Variants in TMEM132D observed in about 807,000 individuals in gnomAD.
TMEM132D encodes the protein transmembrane protein 132D, also known as mature OL transmembrane protein.
A neutral mutation model predicts 62.3 loss-of-function variants in TMEM132D; 21 were observed. The ratio of observed to expected loss-of-function variants is 0.34; its 90% CI spans 0.24 to 0.49. TMEM132D has a LOEUF of 0.49. Ranked by LOEUF, TMEM132D falls within the 20% of genes least tolerant of loss-of-function variation. The pLI, the probability that TMEM132D is intolerant of heterozygous loss-of-function variation, is 0.99. For missense variants in TMEM132D, 1,346 were observed against 1,402.8 expected (o/e 0.96, Z 0.65); for synonymous variants, 621 against 575.6 (o/e 1.08, Z -1.13).
rs560402459 is a variant in TMEM132D, at chr12:129,432,109, G to T, written c.1116-94292C>A. Among the ~76,000 whole-genome samples, 4 of 151,844 alleles carry T rather than the reference G, an allele frequency of 2.6e-5. No individual in the cohort carries two copies. In the South Asian group the frequency reaches 6.2e-4, roughly 24 times the overall value. On this transcript the variant is annotated intron_variant, in intron 3 of 8. Transcript: ENST00000422113. Reference sequence around the variant, plus strand: ...ATAATTATGTTGCATATGGATGAATGAATGGATGGATAGGTGGATGGATGG... The same window carrying T: ...ATAATTATGTTGCATATGGATGAATTAATGGATGGATAGGTGGATGGATGG...
rs965154348 is a variant in TMEM132D, at chr12:129,072,765, G to A, written c.*1110C>T. The A allele has an allele frequency of 3.3e-5, 5 of 152,268 alleles. No individual in the cohort carries two copies. The highest frequency in any genetic ancestry group is 1.2e-4 in the African/African-American group (5 of 41,424). 9.4% of individuals were successfully genotyped at this position (152,268 alleles called of 1,614,324 possible). A position where few individuals can be genotyped will look rare whatever the true frequency, so the allele number is the denominator to read the frequency against. ...GGCCACATCTTTGGACAGGAGATCT[G>A]CCATGAACAGTGAAAGACCCATCCC... is the stretch of plus-strand genomic sequence containing the variant. On this transcript the variant is annotated 3_prime_UTR_variant, in exon 9 of 9. Coordinates refer to ENST00000422113, the MANE Select transcript of TMEM132D (RefSeq NM_133448.3).
At chr12:129,781,904 A>C (rs1282156493) in intron 1 of TMEM132D, among the ~76,000 whole-genome samples, 1 of 152,194 alleles carries the variant, frequency 6.6e-6, no homozygotes, top group Non-Finnish European at 1.5e-5. Flanking sequence ...TCACATTTAC[A>C]CTGGAGACAG....
At chr12:129,795,757 T>G (rs1871545882) in intron 1 of TMEM132D, among the ~76,000 whole-genome samples, 1 of 152,228 alleles carries the variant, frequency 6.6e-6, no homozygotes, top group African/African-American at 2.4e-5. Context: ...ACTAACACGT[T>G]TCTTAATATG....
chr12:129,372,286 C>G (rs1243355342), intron 3 of TMEM132D, among the ~76,000 whole-genome samples: 1 of 152,182 alleles, frequency 6.6e-6, no homozygotes, highest in Non-Finnish European at 1.5e-5. Context: ...GCCAGGGGTC[C>G]CCAGTCTGTG....
chr12:129,849,092 T>C (rs1440881458), intron 1 of TMEM132D, among the ~76,000 whole-genome samples: 1 of 152,212 alleles, frequency 6.6e-6, no homozygotes, highest in African/African-American at 2.4e-5. Context: ...ACACATTCTA[T>C]GTGGTCACGG....
intron 4 of TMEM132D, among the ~76,000 whole-genome samples, chr12:129,244,294 G>A (rs925613260): frequency 4.6e-5 from 7 of 150,762 alleles, no homozygotes; most frequent in Non-Finnish European, 8.9e-5. Context: ...GCTGAGGCAG[G>A]AGAATGGCGT....
At chr12:129,084,021 G>C (rs1377347544) in intron 6 of TMEM132D, among the ~76,000 whole-genome samples, 2 of 152,202 alleles carry the variant, frequency 1.3e-5, no homozygotes, top group Non-Finnish European at 2.9e-5. Context: ...GACCCTGTCA[G>C]ATGTCCTTCC....
At chr12:129,559,086 A>C (rs1465158241) in intron 2 of TMEM132D, among the ~76,000 whole-genome samples, 4 of 152,186 alleles carry the variant, frequency 2.6e-5, no homozygotes, top group Admixed American at 2.6e-4. Flanking sequence ...AGAGTAATCC[A>C]CTTTCTCAAA....
rs530914251 is a variant in TMEM132D, at chr12:129,260,258, G to A, written c.1300-50595C>T. On this transcript the variant is annotated intron_variant, in intron 4 of 8. Coordinates refer to ENST00000422113, the MANE Select transcript of TMEM132D (RefSeq NM_133448.3). ...AGAACATAGTATGTCTGACAGATGAGGGAGGAACCACTGGATAATATGCCC... is the reference window on the plus strand; with the variant it reads ...AGAACATAGTATGTCTGACAGATGAAGGAGGAACCACTGGATAATATGCCC... 7.9e-5 allele frequency among the ~76,000 whole-genome samples: 12 copies of A among 152,242 alleles called. No homozygotes were observed. The South Asian group carries it at 2.5e-3, about 32-fold the overall frequency.
intron 3 of TMEM132D, among the ~76,000 whole-genome samples, chr12:129,445,611 C>A (rs1216000334): frequency 6.6e-6 from 1 of 152,042 alleles, no homozygotes; most frequent in Non-Finnish European, 1.5e-5. Context: ...ATCCCATGAA[C>A]CCCTGGATCC....
chr12:129,310,556 G>A (rs994040778), intron 4 of TMEM132D, among the ~76,000 whole-genome samples: 1 of 152,152 alleles, frequency 6.6e-6, no homozygotes, highest in African/African-American at 2.4e-5. Flanking sequence ...ACTTTTCTTT[G>A]GCTGAACCCA....
chr12:129,435,887 A>T (rs149987576), intron 3 of TMEM132D, among the ~76,000 whole-genome samples: 169 of 152,276 alleles, frequency 1.1e-3, no homozygotes, highest in African/African-American at 4.0e-3. Context: ...TTCTGATTTT[A>T]CTCTGATCAG....
intron 1 of TMEM132D, among the ~76,000 whole-genome samples, chr12:129,752,374 G>A (rs1159935993): frequency 6.6e-6 from 1 of 152,110 alleles, no homozygotes; most frequent in Middle Eastern, 3.2e-3. Flanking sequence ...CTTTAACTCA[G>A]ATTAAAGGCC....
intron 4 of TMEM132D, among the ~76,000 whole-genome samples, chr12:129,283,490 C>G (rs769295234): frequency 1.3e-5 from 2 of 152,342 alleles, no homozygotes; most frequent in East Asian, 1.9e-4. Context: ...CCACACCCAG[C>G]CTTATATTAG....
chr12:129,833,168 A>G (rs950020512), intron 1 of TMEM132D, among the ~76,000 whole-genome samples: 1 of 152,210 alleles, frequency 6.6e-6, no homozygotes, highest in Non-Finnish European at 1.5e-5. Flanking sequence ...ATTTTTCCAG[A>G]TAAATTGTCC....
intron 5 of TMEM132D, among the ~76,000 whole-genome samples, chr12:129,157,382 T>A (rs1877278570): frequency 6.6e-6 from 1 of 152,250 alleles, no homozygotes; most frequent in African/African-American, 2.4e-5. Flanking sequence ...TTTTCAATGC[T>A]TGATCATCAT....
At chr12:129,253,430 T>C (rs79490252) in intron 4 of TMEM132D, among the ~76,000 whole-genome samples, 1,994 of 152,094 alleles carry the variant, frequency 0.013, 44 homozygotes, top group African/African-American at 0.045. Context: ...TTACATGACC[T>C]CAGAAGCAAA....
intron 1 of TMEM132D, among the ~76,000 whole-genome samples, chr12:129,828,933 G>T (rs1039970794): frequency 9.2e-5 from 14 of 151,758 alleles, no homozygotes; most frequent in Non-Finnish European, 1.8e-4. Flanking sequence ...CTGTGAAAGA[G>T]GTGGAAGGGT....
intron 2 of TMEM132D, among the ~76,000 whole-genome samples, chr12:129,637,601 A>G (rs1266728267): frequency 6.6e-6 from 1 of 152,214 alleles, no homozygotes; most frequent in South Asian, 2.1e-4. Context: ...GCCTTCCACC[A>G]TGAGTAAAAG....
Sources: gnomAD v4.1 joint callset for allele counts (sites outside exome capture counted in the v4.1 genomes callset) on GRCh38, gnomAD v4.1.1 for gene constraint, MANE v1.5 for transcripts, NCBI Gene and HGNC (gene_info 2026-07-23, HGNC 2026-07-21) for gene names.